The following LMCD1 variants were observed in gnomAD, a reference collection of about 807,000 sequenced individuals.
LMCD1 encodes the protein LIM and cysteine-rich domains protein 1.
In LMCD1, 32 loss-of-function variants were observed where a neutral mutation model predicts 42.7. The ratio of observed to expected loss-of-function variants is 0.75; its 90% confidence interval spans 0.57 to 1.01. The LOEUF (loss-of-function observed/expected upper bound fraction) is 1.01. LMCD1 is among the 50% of genes least tolerant of loss of function. The pLI, the probability that LMCD1 is intolerant of heterozygous loss-of-function variation, is 0.00. For synonymous variants in LMCD1, 178 were observed against 184.9 expected (o/e 0.96, Z 0.30); for missense variants, 458 against 483.1 (o/e 0.95, Z 0.49).
intron 3 of LMCD1, among the ~76,000 whole-genome samples, chr3:8,541,150 C>T (rs1694618913): frequency 6.6e-6 from 1 of 152,194 alleles, no homozygotes; most frequent in Non-Finnish European, 1.5e-5. Flanking sequence ...GCCTTCCCTT[C>T]CACTTTGCTT....
chr3:8,521,846 A>G (rs747217494), intron 1 of LMCD1, among the ~76,000 whole-genome samples: 5 of 152,320 alleles, frequency 3.3e-5, no homozygotes, highest in East Asian at 3.9e-4. Flanking sequence ...GATTGCAATC[A>G]TAGATTCTTA....
intron 1 of LMCD1, among the ~76,000 whole-genome samples, chr3:8,509,673 C>T (rs141866514): frequency 6.6e-6 from 1 of 152,116 alleles, no homozygotes; most frequent in Non-Finnish European, 1.5e-5. Flanking sequence ...TTGACCTCTC[C>T]CCTCCCCAAC....
At chr3:8,551,316 G>T in intron 4 of LMCD1, 1 of 985,392 alleles carries the variant, frequency 1.0e-6, no homozygotes, top group Non-Finnish European at 1.2e-6. Context: ...GATCTATTTG[G>T]ATGGCCAATT....
At chr3:8,510,077 C>T (rs1381094808) in intron 1 of LMCD1, among the ~76,000 whole-genome samples, 1 of 152,180 alleles carries the variant, frequency 6.6e-6, no homozygotes, top group Non-Finnish European at 1.5e-5. Context: ...GGGCTCTTGG[C>T]TGACTAATGA....
At chr3:8,502,033 C>A in intron 1 of LMCD1, 53 bp downstream of exon 1, 2 of 1,522,456 alleles carry the variant, frequency 1.3e-6, no homozygotes, top group Non-Finnish European at 1.8e-6. Context: ...TCTTGTTCCC[C>A]TTCCCATCTG....
chr3:8,519,925 AGT>A (rs369271623), intron 1 of LMCD1, among the ~76,000 whole-genome samples: 241 of 147,742 alleles, frequency 1.6e-3, no homozygotes, highest in Middle Eastern at 3.7e-3. Context: ...TGTGAGAGAG[AGT>A]GTGTGTGTGT....
intron 3 of LMCD1, among the ~76,000 whole-genome samples, chr3:8,544,635 A>G (rs1281010689): frequency 1.3e-5 from 2 of 151,822 alleles, no homozygotes; most frequent in Non-Finnish European, 2.9e-5. Flanking sequence ...CCCCACAACA[A>G]CCCTAGCTTC....
At position 8,569,911 on chromosome 3, in the gene LMCD1, T is replaced by C; in HGVS notation, c.*2313T>C. The C allele has an allele frequency of 6.7e-6, 1 of 150,022 alleles. No homozygotes were observed. The highest frequency in any genetic ancestry group is 1.4e-5 in the Non-Finnish European group (1 of 69,020). 9.3% of individuals were successfully genotyped at this position (150,022 alleles called of 1,614,324 possible). A position where few individuals can be genotyped will look rare whatever the true frequency, so the allele number is the denominator to read the frequency against. On this transcript the variant is annotated 3_prime_UTR_variant, in exon 6 of 6. Transcript: ENST00000157600. ...TAGAGGATAACCTGAGCCCAGTAAGTCAAGGCTGCAGTGAGCTGTGATCAT... is the reference window on the plus strand; with the variant it reads ...TAGAGGATAACCTGAGCCCAGTAAGCCAAGGCTGCAGTGAGCTGTGATCAT...
chr3:8,508,267 C>G (rs1260958672), intron 1 of LMCD1, among the ~76,000 whole-genome samples: 1 of 152,184 alleles, frequency 6.6e-6, no homozygotes, highest in African/African-American at 2.4e-5. Context: ...CATGTCTAGT[C>G]AGCCTGACCC....
chr3:8,556,193 C>T (rs1267071453), intron 4 of LMCD1, among the ~76,000 whole-genome samples: 4 of 152,118 alleles, frequency 2.6e-5, no homozygotes, highest in Admixed American at 6.5e-5. Context: ...TAAGAATTAT[C>T]CTACAAAGTA....
rs564105174 is a variant in LMCD1 at position 8,569,766 on chromosome 3, C to G, written c.*2168C>G. The G allele has an allele frequency of 6.6e-6, 1 of 152,190 alleles. No individual in the cohort carries two copies. The highest frequency in any genetic ancestry group is 1.5e-5 in the Non-Finnish European group (1 of 68,134). 9.4% of individuals were successfully genotyped at this position (152,190 alleles called of 1,614,324 possible). ...TTCTCAGCACTTTGGGAGGCCAAAG[C>G]GGGTGGATCACTTGAGCCTAGGAGT... On this transcript the variant is annotated 3_prime_UTR_variant, in exon 6 of 6. Coordinates refer to ENST00000157600, the MANE Select transcript of LMCD1 (RefSeq NM_014583.4).
At chr3:8,523,134 A>G (rs779115154) in intron 1 of LMCD1, among the ~76,000 whole-genome samples, 1 of 152,238 alleles carries the variant, frequency 6.6e-6, no homozygotes, top group Non-Finnish European at 1.5e-5. Context: ...AAACTAAACA[A>G]AAGTTTCCAT....
At chr3:8,524,613 C>T (rs566410368) in intron 1 of LMCD1, among the ~76,000 whole-genome samples, 2 of 152,146 alleles carry the variant, frequency 1.3e-5, no homozygotes, top group South Asian at 2.1e-4. Context: ...TTTTTTTCAG[C>T]CTTATTGAGG....
chr3:8,549,775 T>C lies in LMCD1; in HGVS notation c.723+872T>C, dbSNP rs1302470293. 3 of 701,544 alleles carry C rather than the reference T, an allele frequency of 4.3e-6. No individual in the cohort carries two copies. In the African/African-American group the frequency reaches 5.2e-5, roughly 12 times the overall value. The allele number at this position is 701,544 out of a possible 1,614,324, so 43.5% of individuals were successfully genotyped here. ...GGGGCTGCATCTGGTGAGGGACTTC[T>C]TCCTGGTGAGCACTCTCTGCAGAGT... On this transcript the variant is annotated intron_variant, in intron 4 of 5. Coordinates refer to ENST00000157600, the MANE Select transcript of LMCD1 (RefSeq NM_014583.4).
intron 1 of LMCD1, 112 bp from the exon 2 acceptor site, chr3:8,532,625 C>A: frequency 1.2e-6 from 1 of 823,902 alleles, no homozygotes; most frequent in South Asian, 1.6e-5. Context: ...GATCTCAAGC[C>A]CTTTGAACCC....
At chr3:8,554,825 T>C in intron 4 of LMCD1, among the ~76,000 whole-genome samples, 1 of 152,214 alleles carries the variant, frequency 6.6e-6, no homozygotes. Context: ...ATGGTCATTT[T>C]GCCCAGGAAT....
At chr3:8,537,022 C>T (rs1694518671) in intron 2 of LMCD1, among the ~76,000 whole-genome samples, 163 bp from the exon 3 acceptor site, 1 of 152,194 alleles carries the variant, frequency 6.6e-6, no homozygotes, top group African/African-American at 2.4e-5. Flanking sequence ...AATGCAGTTC[C>T]CAATTCCAAA....
At chr3:8,540,454 G>T (rs1035888384) in intron 3 of LMCD1, among the ~76,000 whole-genome samples, 2 of 152,208 alleles carry the variant, frequency 1.3e-5, no homozygotes, top group African/African-American at 4.8e-5. Flanking sequence ...GGAAACTGAG[G>T]CTCAGAGAGA....
intron 1 of LMCD1, among the ~76,000 whole-genome samples, chr3:8,523,576 C>T (rs937252035): frequency 1.3e-5 from 2 of 152,248 alleles, no homozygotes; most frequent in African/African-American, 4.8e-5. Flanking sequence ...CTCTTGGCCA[C>T]AGCCTGAAGC....
Sources: gnomAD v4.1 joint callset for allele counts (sites outside exome capture counted in the v4.1 genomes callset) on GRCh38, gnomAD v4.1.1 for gene constraint, MANE v1.5 for transcripts, NCBI Gene and HGNC (gene_info 2026-07-23, HGNC 2026-07-21) for gene names.